SLC2A13: variants seen among roughly 807,000 people sequenced by gnomAD.
SLC2A13 encodes the protein solute carrier family 2 member 13.
SLC2A13 carries 32 observed loss-of-function variants against 64.4 expected under a neutral mutation model. The ratio of observed to expected loss-of-function variants is 0.50; its 90% CI spans 0.37 to 0.67. SLC2A13 has a LOEUF of 0.67. Ranked by LOEUF, SLC2A13 falls within the 30% of genes least tolerant of loss-of-function variation. SLC2A13 has a pLI of 0.00. For synonymous variants in SLC2A13, 338 were observed against 327.1 expected (o/e 1.03, Z -0.36); for missense variants, 743 against 829.2 (o/e 0.90, Z 1.28).
intron 1 of SLC2A13, among the ~76,000 whole-genome samples, chr12:40,084,941 C>T (rs893294905): frequency 1.3e-5 from 2 of 152,080 alleles, no homozygotes; most frequent in Non-Finnish European, 2.9e-5. Flanking sequence ...GGTTGGGACC[C>T]CCAACCTACA....
intron 3 of SLC2A13, among the ~76,000 whole-genome samples, chr12:39,977,292 TTATC>T (rs1290586543): frequency 6.6e-6 from 1 of 152,214 alleles, no homozygotes; most frequent in Non-Finnish European, 1.5e-5. Flanking sequence ...AGGTCAATGT[TTATC>T]TAACCCCAAA....
intron 2 of SLC2A13, among the ~76,000 whole-genome samples, chr12:40,039,219 G>C (rs1948040574): frequency 6.6e-6 from 1 of 152,040 alleles, no homozygotes; most frequent in Admixed American, 6.5e-5. Flanking sequence ...TGTCTCTCTA[G>C]AAGTCTACTT....
chr12:40,082,147 A>G (rs17489522), intron 1 of SLC2A13, among the ~76,000 whole-genome samples: 3,474 of 152,316 alleles, frequency 0.023, 136 homozygotes, highest in African/African-American at 0.079. Context: ...GTCCCTGCAC[A>G]TGTGTGCACC....
intron 7 of SLC2A13, among the ~76,000 whole-genome samples, chr12:39,770,989 G>C (rs1349979731): frequency 6.6e-6 from 1 of 152,056 alleles, no homozygotes; most frequent in Non-Finnish European, 1.5e-5. Flanking sequence ...GGATTTTCCT[G>C]GTACCTACCT....
At chr12:39,938,614 T>TTTCATCA (rs1355488673) in intron 4 of SLC2A13, among the ~76,000 whole-genome samples, 1 of 151,916 alleles carries the variant, frequency 6.6e-6, no homozygotes, top group Non-Finnish European at 1.5e-5. Flanking sequence ...GAAAATATAT[T>TTTCATCA]TTCATCATTT....
chr12:39,825,515 T>C (rs940251809), intron 7 of SLC2A13, among the ~76,000 whole-genome samples: 4 of 152,180 alleles, frequency 2.6e-5, no homozygotes, highest in Admixed American at 2.0e-4. Flanking sequence ...AAGTAGGGTA[T>C]AGAAATCACT....
rs936660641 is a variant in SLC2A13 at position 39,896,271 on chromosome 12, T to C, written c.1035-24310A>G. Reference sequence around the variant, plus strand: ...ATACATGTATGTATATGTGTGTATATATGTATACATGTATGTATATGTGTG... The same window carrying C: ...ATACATGTATGTATATGTGTGTATACATGTATACATGTATGTATATGTGTG... On this transcript the variant is annotated intron_variant, in intron 4 of 9. Transcript: ENST00000280871. 1.8e-3 allele frequency among the ~76,000 whole-genome samples: 234 copies of C among 131,670 alleles called. 4 individuals are homozygous for C. The highest frequency in any genetic ancestry group is 6.1e-3 in the African/African-American group (217 of 35,772). The allele number at this position is 131,670 out of a possible 152,430, so 86.4% of individuals were successfully genotyped here.
chr12:39,873,777 GAA>G (rs889160225), intron 4 of SLC2A13, among the ~76,000 whole-genome samples: 1 of 151,990 alleles, frequency 6.6e-6, no homozygotes, highest in East Asian at 1.9e-4. Flanking sequence ...TATTTAAAAT[GAA>G]AAAAAGTTCC....
At chr12:39,797,754 A>G (rs1328895762) in intron 7 of SLC2A13, among the ~76,000 whole-genome samples, 1 of 152,058 alleles carries the variant, frequency 6.6e-6, no homozygotes, top group African/African-American at 2.4e-5. Flanking sequence ...ACACACACAC[A>G]CACACACACA....
intron 4 of SLC2A13, among the ~76,000 whole-genome samples, chr12:39,906,210 A>G (rs17559609): frequency 4.6e-5 from 7 of 152,110 alleles, no homozygotes; most frequent in Non-Finnish European, 2.9e-5. Flanking sequence ...CAATTCTTGA[A>G]GTCAGTAATT....
intron 4 of SLC2A13, among the ~76,000 whole-genome samples, chr12:39,896,587 T>C (rs1592259028): frequency 6.6e-6 from 1 of 151,228 alleles, no homozygotes; most frequent in African/African-American, 2.4e-5. Flanking sequence ...TGTGTATATA[T>C]GTATACATAT....
chr12:39,952,535 T>C (rs960595402), intron 3 of SLC2A13, among the ~76,000 whole-genome samples: 7 of 152,196 alleles, frequency 4.6e-5, no homozygotes, highest in African/African-American at 1.7e-4. Flanking sequence ...GCCAGGGCAT[T>C]AATTAGAATG....
intron 7 of SLC2A13, among the ~76,000 whole-genome samples, chr12:39,795,838 C>T (rs992851184): frequency 7.2e-5 from 11 of 152,276 alleles, no homozygotes; most frequent in African/African-American, 2.6e-4. Flanking sequence ...CCTTGCTGTC[C>T]TTTTATGCAT....
chr12:40,025,341 A>G (rs920330124), intron 3 of SLC2A13, among the ~76,000 whole-genome samples: 1 of 152,252 alleles, frequency 6.6e-6, no homozygotes, highest in African/African-American at 2.4e-5. Flanking sequence ...CAAAAAATAA[A>G]TTAATGTAGC....
At chr12:40,086,587 T>C (rs1050184502) in intron 1 of SLC2A13, among the ~76,000 whole-genome samples, 3 of 152,180 alleles carry the variant, frequency 2.0e-5, no homozygotes, top group African/African-American at 7.2e-5. Flanking sequence ...CCACATGCTT[T>C]TTCTTATTAC....
chr12:39,849,744 C>T (rs192488323), intron 6 of SLC2A13, among the ~76,000 whole-genome samples: 2 of 150,760 alleles, frequency 1.3e-5, no homozygotes, highest in East Asian at 3.9e-4. Context: ...GATTTCTTAG[C>T]CTTTTCTAGT....
chr12:39,838,608 G>C (rs1943092240), intron 6 of SLC2A13, among the ~76,000 whole-genome samples: 2 of 151,788 alleles, frequency 1.3e-5, no homozygotes, highest in South Asian at 4.2e-4. Flanking sequence ...ACCTAAAAAT[G>C]CTTCCAATTA....
intron 6 of SLC2A13, among the ~76,000 whole-genome samples, chr12:39,841,833 G>A (rs1943187204): frequency 6.6e-6 from 1 of 151,980 alleles, no homozygotes; most frequent in African/African-American, 2.4e-5. Context: ...TTAAGAGACT[G>A]AAATTCTTAG....
chr12:39,964,776 A>C (rs1946478184), intron 3 of SLC2A13, among the ~76,000 whole-genome samples: 3 of 152,182 alleles, frequency 2.0e-5, no homozygotes, highest in African/African-American at 7.2e-5. Flanking sequence ...CATATAAATA[A>C]AACAAATCTC....
Sources: allele counts gnomAD v4.1 joint callset (sites outside exome capture counted in the v4.1 genomes callset), GRCh38; gene constraint gnomAD v4.1.1; transcripts MANE v1.5; gene names NCBI Gene and HGNC (gene_info 2026-07-23, HGNC 2026-07-21).